The following DAZL variants were observed in gnomAD, a reference collection of about 807,000 sequenced individuals.
DAZL encodes the protein deleted in azoospermia-like.
DAZL carries 4 observed loss-of-function variants against 45.0 expected under a neutral mutation model. The ratio of observed to expected loss-of-function variants is 0.09; its 90% confidence interval spans 0.04 to 0.20. DAZL has a LOEUF of 0.20. DAZL is among the 10% of genes least tolerant of loss of function. The probability of loss-of-function intolerance (pLI) is 1.00; values close to 1 mark genes in which losing one functional copy is unlikely to be tolerated. For synonymous variants in DAZL, 122 were observed against 112.4 expected, an observed-to-expected ratio of 1.09 and a Z score of -0.54; for missense variants, 326 against 351.3, an observed-to-expected ratio of 0.93 and a Z score of 0.58.
At position 16,592,841 on chromosome 3, in the gene DAZL, C is replaced by T. The variant is rs548978783; in HGVS notation, c.736-693G>A. On this transcript the variant is annotated intron_variant, in intron 9 of 10. Coordinates refer to ENST00000399444, the MANE Select transcript of DAZL (RefSeq NM_001351.4). The stretch of plus-strand genomic sequence containing the variant: ...TCAAGGAATTTACACTCCAATGGGA[C>T]TTCAGTGTTATACATATTACCAACA... Among the ~76,000 whole-genome samples, 20 of 152,262 alleles carry T rather than the reference C, an allele frequency of 1.3e-4. No homozygotes were observed. The South Asian group carries it at 4.2e-3, about 32-fold the overall frequency.
intron 7 of DAZL, among the ~76,000 whole-genome samples, chr3:16,594,848 A>G (rs1419256112): frequency 2.0e-5 from 3 of 152,096 alleles, no homozygotes; most frequent in Non-Finnish European, 4.4e-5. Flanking sequence ...ATTTATTACC[A>G]TAGATATGAT....
intron 1 of DAZL, chr3:16,604,776 G>C: frequency 7.3e-7 from 1 of 1,361,288 alleles, no homozygotes; most frequent in Non-Finnish European, 9.4e-7. Context: ...TGGCGGGGCG[G>C]AGGCGCGTGG....
At chr3:16,595,176 T>G in intron 7 of DAZL, 138 bp downstream of exon 7, 1 of 533,574 alleles carries the variant, frequency 1.9e-6, no homozygotes, top group African/African-American at 1.9e-5. Flanking sequence ...GAGGTCTTAA[T>G]TCTAGACTAA....
At chr3:16,594,358 C>T (rs926874815) in intron 8 of DAZL, among the ~76,000 whole-genome samples, 175 bp downstream of exon 8, 2 of 151,898 alleles carry the variant, frequency 1.3e-5, no homozygotes, top group Non-Finnish European at 2.9e-5. Context: ...CACTGTTGCT[C>T]CCATGGGAGT....
chr3:16,594,598 AAAG>A lies in DAZL; in HGVS notation c.571-18_571-16del. 6.4e-7 allele frequency: 1 copy of A among 1,557,560 alleles called. No homozygotes were observed. The highest frequency in any genetic ancestry group is 8.7e-7 in the Non-Finnish European group (1 of 1,154,634). On this transcript the variant is annotated splice_polypyrimidine_tract_variant and intron_variant, in intron 7 of 10. Transcript: ENST00000399444. ...TGTGGTGGCATCTTAAAAAAAAAAA[AAAG>A]GAAACCAAAATTATTCAAATATTCC...
At position 16,596,843 on chromosome 3, in the gene DAZL, A is replaced by T. The variant is rs115317726; in HGVS notation, c.405T>A (p.Pro135=). ...QPRPLVFNHP[P]PPQFQNVWTN... ...TCCAGACATTCTGAAACTGTGGTGG[A>T]GGAGGATGATTAAAAACCAAAGGAC... The change falls in exon 6 of 11, where the codon CCT becomes CCA. Residue 135 remains proline, a synonymous_variant. Transcript: ENST00000399444. 122 of 1,613,702 alleles carry T rather than the reference A, an allele frequency of 7.6e-5. No homozygotes were observed. Among genetic ancestry groups the T allele is most frequent in the Non-Finnish European group, 1.0e-4 (119 of 1,179,734 alleles).
intron 1 of DAZL, chr3:16,604,626 G>A (rs1479883456): frequency 1.2e-4 from 89 of 767,134 alleles, no homozygotes; most frequent in Non-Finnish European, 4.1e-5. Flanking sequence ...CACGAACCCC[G>A]CCCACCCCAC....
rs1404411166 is a variant in DAZL, at chr3:16,596,870, T to C, written c.378A>G (p.Pro126=). The C allele has an allele frequency of 6.2e-7, 1 of 1,613,882 alleles. No homozygotes were observed. The highest frequency in any genetic ancestry group is 8.5e-7 in the Non-Finnish European group (1 of 1,179,786). The change falls in exon 6 of 11, where the codon CCA becomes CCG. Residue 126 remains proline, a synonymous_variant. Coordinates refer to ENST00000399444, the MANE Select transcript of DAZL (RefSeq NM_001351.4). ...GAGGATGATTAAAAACCAAAGGACG[T>C]GGCTGCACATGATAAGCACCTTTTT... The part of the protein sequence containing the change: ...KQNLCAYHVQ[P]RPLVFNHPPP...
intron 1 of DAZL, among the ~76,000 whole-genome samples, chr3:16,598,911 G>C (rs931286379): frequency 6.6e-6 from 1 of 151,662 alleles, no homozygotes. Context: ...AGCCTCCTGA[G>C]TAGCTGGGAT....
intron 1 of DAZL, chr3:16,604,784 T>TGGGAGTGG: frequency 7.5e-7 from 1 of 1,335,832 alleles, no homozygotes; most frequent in Non-Finnish European, 9.6e-7. Context: ...CGGAGGCGCG[T>TGGGAGTGG]GGGAGTGGGG....
At chr3:16,604,821 A>AGCGCCGGAG in intron 1 of DAZL, 1 of 796,138 alleles carries the variant, frequency 1.3e-6, no homozygotes, top group African/African-American at 1.9e-5. Flanking sequence ...TGAGTGGGGG[A>AGCGCCGGAG]GCGCGTGGGA....
intron 9 of DAZL, among the ~76,000 whole-genome samples, chr3:16,592,984 A>G (rs1694543859): frequency 1.3e-5 from 2 of 152,236 alleles, no homozygotes; most frequent in Non-Finnish European, 2.9e-5. Context: ...GCCTAATTCA[A>G]TATTTGAATA....
chr3:16,602,183 C>T (rs963979556), intron 1 of DAZL, among the ~76,000 whole-genome samples: 1 of 151,882 alleles, frequency 6.6e-6, no homozygotes, highest in Admixed American at 6.6e-5. Flanking sequence ...CAAGAAAAGG[C>T]AAGAAAGCAA....
At chr3:16,601,217 A>G (rs558510491) in intron 1 of DAZL, among the ~76,000 whole-genome samples, 7 of 152,292 alleles carry the variant, frequency 4.6e-5, no homozygotes, top group Admixed American at 2.0e-4. Context: ...TCTAATTCTC[A>G]TACCCTATAC....
At chr3:16,601,127 T>A (rs1694682799) in intron 1 of DAZL, among the ~76,000 whole-genome samples, 2 of 152,216 alleles carry the variant, frequency 1.3e-5, no homozygotes, top group African/African-American at 4.8e-5. Context: ...TGATTTCCAT[T>A]GTTCAGTAAA....
chr3:16,604,824 G>T, intron 1 of DAZL: 1 of 1,044,766 alleles, frequency 9.6e-7, no homozygotes, highest in Non-Finnish European at 1.3e-6. Flanking sequence ...GTGGGGGAGC[G>T]CGTGGGAGTG....
At chr3:16,591,993 G>T (rs1471129331) in intron 10 of DAZL, 57 bp downstream of exon 10, 1 of 1,554,070 alleles carries the variant, frequency 6.4e-7, no homozygotes, top group African/African-American at 1.4e-5. Flanking sequence ...AAGGAAAACA[G>T]ATACTTTAAA....
chr3:16,603,856 ATAATC>A (rs1453142058), intron 1 of DAZL, among the ~76,000 whole-genome samples: 1 of 152,234 alleles, frequency 6.6e-6, no homozygotes. Context: ...ATGCATAAAA[ATAATC>A]TAGAAGGTCA....
chr3:16,590,289 C>T (rs76419414), intron 10 of DAZL, among the ~76,000 whole-genome samples: 21,295 of 152,082 alleles, frequency 0.14, 1,929 homozygotes, highest in East Asian at 0.46. Context: ...ATGTTAAGAA[C>T]TTAATTCTGC....
Sources: allele counts gnomAD v4.1 joint callset (sites outside exome capture counted in the v4.1 genomes callset), GRCh38; gene constraint gnomAD v4.1.1; transcripts MANE v1.5; gene names NCBI Gene and HGNC (gene_info 2026-07-23, HGNC 2026-07-21).